ARB2A: variants seen among roughly 807,000 people sequenced by gnomAD.
The protein encoded by ARB2A is cotranscriptional regulator ARB2A.
At chr5:93,768,023 A>AAAAAAG in the ARB2A span, among the ~76,000 whole-genome samples, 1 of 146,846 alleles carries the variant, frequency 6.8e-6, no homozygotes, top group African/African-American at 2.5e-5. Flanking sequence ...AAAAAAAAAA[A>AAAAAAG]GGAATGAATT....
chr5:93,755,935 C>G, the ARB2A span, among the ~76,000 whole-genome samples: 2 of 152,320 alleles, frequency 1.3e-5, no homozygotes, highest in African/African-American at 4.8e-5. Flanking sequence ...AAGCGAGAAC[C>G]AAGCCCTTTT....
chr5:93,812,700 C>A, the ARB2A span, among the ~76,000 whole-genome samples: 1 of 152,060 alleles, frequency 6.6e-6, no homozygotes, highest in Non-Finnish European at 1.5e-5. Flanking sequence ...TATTTAGGCA[C>A]AAATATTAGA....
chr5:93,765,768 C>T, the ARB2A span, among the ~76,000 whole-genome samples: 1 of 152,158 alleles, frequency 6.6e-6, no homozygotes, highest in Non-Finnish European at 1.5e-5. Context: ...GGAGACATCA[C>T]ACTACCTGAC....
the ARB2A span, among the ~76,000 whole-genome samples, chr5:94,095,296 T>C: frequency 1.3e-5 from 2 of 152,176 alleles, no homozygotes; most frequent in Non-Finnish European, 2.9e-5. Context: ...TTATCATCCG[T>C]AAAGTGAGGG....
At chr5:93,940,547 A>G in the ARB2A span, among the ~76,000 whole-genome samples, 3 of 152,140 alleles carry the variant, frequency 2.0e-5, no homozygotes, top group Admixed American at 2.0e-4. Flanking sequence ...AGTGAAATTA[A>G]TATTTTTTAA....
the ARB2A span, among the ~76,000 whole-genome samples, chr5:93,638,485 A>C: frequency 1.3e-5 from 2 of 152,042 alleles, no homozygotes; most frequent in African/African-American, 2.4e-5. Context: ...TGCTACTATA[A>C]ATGGATCTTT....
the ARB2A span, chr5:93,739,578 CAGAGG>C: frequency 2.6e-5 from 4 of 151,996 alleles, no homozygotes; most frequent in Non-Finnish European, 5.9e-5. Context: ...TTTGAAAACA[CAGAGG>C]TACTAAATGG....
At chr5:93,660,981 G>C in the ARB2A span, among the ~76,000 whole-genome samples, 1 of 152,088 alleles carries the variant, frequency 6.6e-6, no homozygotes, top group Non-Finnish European at 1.5e-5. Context: ...AGATTATTAA[G>C]CCTATAATTT....
At chr5:93,885,631 T>G in the ARB2A span, among the ~76,000 whole-genome samples, 2 of 151,590 alleles carry the variant, frequency 1.3e-5, no homozygotes, top group African/African-American at 4.8e-5. Flanking sequence ...TAGTAGAAAT[T>G]AAGGTGATCA....
the ARB2A span, among the ~76,000 whole-genome samples, chr5:94,068,409 T>A: frequency 3.3e-5 from 5 of 152,150 alleles, no homozygotes; most frequent in Non-Finnish European, 5.9e-5. Context: ...ACAGCAGTGG[T>A]GGATGGGGAG....
the ARB2A span, among the ~76,000 whole-genome samples, chr5:94,002,508 C>G: frequency 6.6e-6 from 1 of 151,894 alleles, no homozygotes. Flanking sequence ...ATTTTCTGCT[C>G]CAGTAAGTTT....
chr5:93,933,658 G>T, the ARB2A span, among the ~76,000 whole-genome samples: 1 of 152,068 alleles, frequency 6.6e-6, no homozygotes, highest in Non-Finnish European at 1.5e-5. Context: ...GTTAGGGGGT[G>T]GGGGGCTAGG....
the ARB2A span, among the ~76,000 whole-genome samples, chr5:93,963,246 G>A: frequency 6.6e-6 from 1 of 151,896 alleles, no homozygotes; most frequent in African/African-American, 2.4e-5. Flanking sequence ...AACTAAGACA[G>A]TAAGTTTAAA....
At chr5:93,772,998 C>A in the ARB2A span, among the ~76,000 whole-genome samples, 1 of 152,210 alleles carries the variant, frequency 6.6e-6, no homozygotes, top group African/African-American at 2.4e-5. Context: ...TGTGGCTGGA[C>A]AATATCCTGC....
chr5:93,714,322 TTTA>T, the ARB2A span, among the ~76,000 whole-genome samples: 1 of 152,220 alleles, frequency 6.6e-6, no homozygotes, highest in African/African-American at 2.4e-5. Flanking sequence ...GTTTAAATTA[TTTA>T]TTAACAAGGT....
chr5:93,881,441 T>G, the ARB2A span: 2 of 1,514,924 alleles, frequency 1.3e-6, no homozygotes, highest in Non-Finnish European at 1.8e-6. Flanking sequence ...GTAAAGAAAA[T>G]AGTAAAGGAA....
At chr5:93,735,043 C>T in the ARB2A span, 1 of 152,232 alleles carries the variant, frequency 6.6e-6, no homozygotes, top group Admixed American at 6.5e-5. Context: ...AGGCATGAGC[C>T]ACCGCACCTG....
the ARB2A span, among the ~76,000 whole-genome samples, chr5:93,671,711 T>C: frequency 6.6e-6 from 1 of 151,984 alleles, no homozygotes; most frequent in Admixed American, 6.6e-5. Context: ...AAAAAGAGGA[T>C]TGGAAAAAAA....
At chr5:93,865,594 A>C in the ARB2A span, 20 of 985,402 alleles carry the variant, frequency 2.0e-5, no homozygotes, top group African/African-American at 3.5e-5. Context: ...ATACGGAAAC[A>C]ATTAGGACAC....
Sources: gnomAD v4.1 joint callset for allele counts (sites outside exome capture counted in the v4.1 genomes callset) on GRCh38, gnomAD v4.1.1 for gene constraint, MANE v1.5 for transcripts, NCBI Gene and HGNC (gene_info 2026-07-23, HGNC 2026-07-21) for gene names.